Variants in PRKAR1B observed in about 807,000 individuals in gnomAD.
PRKAR1B encodes cAMP-dependent protein kinase type I-beta regulatory subunit.
A neutral mutation model predicts 46.5 loss-of-function variants in PRKAR1B; 22 were observed. That is an observed-to-expected ratio of 0.47 (90% CI 0.34 to 0.68). The LOEUF (loss-of-function observed/expected upper bound fraction) is 0.68, where lower values mean the gene tolerates loss of function less well. Among genes scored for constraint, PRKAR1B ranks in the 30% least tolerant of loss-of-function variants. The probability of loss-of-function intolerance (pLI) is 0.01; values close to 1 mark genes in which losing one functional copy is unlikely to be tolerated. For synonymous variants in PRKAR1B, 259 were observed against 217.7 expected, an observed-to-expected ratio of 1.19 and a Z score of -1.67; for missense variants, 445 against 535.6, an observed-to-expected ratio of 0.83 and a Z score of 1.67.
In PRKAR1B at chr7:718,549, G is replaced by C. The variant is rs187135298; in HGVS notation, c.-22-7022C>G. ...TTTTTGTATTTTTAGTAGAGACGGG[G>C]TTTGACCATGTTGGCCAGGCTGGTC... On this transcript the variant is annotated intron_variant, in intron 1 of 10. Coordinates refer to ENST00000537384, the MANE Select transcript of PRKAR1B (RefSeq NM_001164760.2). Among the ~76,000 whole-genome samples, 973 of 151,906 alleles carry C rather than the reference G, an allele frequency of 6.4e-3. 13 individuals carry two copies. Among genetic ancestry groups the C allele is most frequent in the African/African-American group, 0.023 (933 of 41,426 alleles).
chr7:587,458 G>A (rs141126914), intron 7 of PRKAR1B, among the ~76,000 whole-genome samples: 2,688 of 152,336 alleles, frequency 0.018, 31 homozygotes, highest in Middle Eastern at 0.054. Context: ...CCACTGCCGT[G>A]GTGAAGTGGG....
chr7:617,936 C>T (rs1373526558), intron 4 of PRKAR1B, among the ~76,000 whole-genome samples: 1 of 152,186 alleles, frequency 6.6e-6, no homozygotes, highest in Non-Finnish European at 1.5e-5. Flanking sequence ...TCTCTTAAAA[C>T]ACAGACTCTT....
chr7:588,712 TG>T (rs1780776062), intron 7 of PRKAR1B, among the ~76,000 whole-genome samples: 1 of 127,584 alleles, frequency 7.8e-6, no homozygotes, highest in Admixed American at 7.4e-5. Flanking sequence ...GTGATGGTGA[TG>T]GTGGTGATGG....
intron 6 of PRKAR1B, among the ~76,000 whole-genome samples, chr7:604,668 G>T (rs539383671): frequency 1.3e-5 from 2 of 152,206 alleles, no homozygotes; most frequent in Non-Finnish European, 2.9e-5. Context: ...AACACAGCGC[G>T]ATGGGGGACA....
intron 4 of PRKAR1B, among the ~76,000 whole-genome samples, chr7:635,926 C>A (rs886406894): frequency 7.2e-5 from 11 of 151,882 alleles, no homozygotes; most frequent in Admixed American, 7.2e-4. Context: ...TGTAAAAGTA[C>A]CAGCACCGCG....
chr7:629,260 G>A (rs1213060116), intron 4 of PRKAR1B, among the ~76,000 whole-genome samples: 2 of 152,276 alleles, frequency 1.3e-5, no homozygotes, highest in African/African-American at 4.8e-5. Flanking sequence ...GGAAAATGCT[G>A]CAGGAGCGGG....
chr7:712,200 A>C lies in PRKAR1B; in HGVS notation c.-22-673T>G, dbSNP rs1583453495. On this transcript the variant is annotated intron_variant, in intron 1 of 10. Coordinates refer to ENST00000537384, the MANE Select transcript of PRKAR1B (RefSeq NM_001164760.2). The stretch of plus-strand genomic sequence containing the variant: ...CCCCCGGAGTGCCCAGACCGCCGGG[A>C]AGGCGCCCACCCAGAGACCCCGCGC... Among the ~76,000 whole-genome samples the C allele has an allele frequency of 5.5e-5, 8 of 146,156 alleles. No individual in the cohort carries two copies. The South Asian group carries it at 1.8e-3, about 33-fold the overall frequency.
intron 7 of PRKAR1B, 80 bp downstream of exon 7, chr7:596,066 C>T: frequency 1.3e-6 from 2 of 1,533,578 alleles, no homozygotes; most frequent in East Asian, 2.3e-5. Flanking sequence ...TGCATCCCCA[C>T]CTTGAATAGA....
intron 2 of PRKAR1B, among the ~76,000 whole-genome samples, chr7:683,449 A>G (rs756914792): frequency 1.3e-5 from 2 of 152,142 alleles, no homozygotes; most frequent in African/African-American, 2.4e-5. Context: ...AAGGTAGAGG[A>G]TGCAGGAGAG....
chr7:601,735 A>G (rs1011988925), intron 6 of PRKAR1B, among the ~76,000 whole-genome samples: 13 of 152,212 alleles, frequency 8.5e-5, no homozygotes, highest in Non-Finnish European at 1.5e-4. Context: ...GGACAGCCCC[A>G]TAAGTCACAG....
At chr7:673,132 G>C (rs1231004304) in intron 4 of PRKAR1B, among the ~76,000 whole-genome samples, 1 of 145,182 alleles carries the variant, frequency 6.9e-6, no homozygotes, top group African/African-American at 2.5e-5. Flanking sequence ...TGTGGACCAG[G>C]GACCTCCCGC....
Position 644,987 on chromosome 7 carries a change from C to T in PRKAR1B, c.440+32242G>A, listed in dbSNP as rs1030134740. 6.6e-6 allele frequency among the ~76,000 whole-genome samples: 1 copy of T among 152,218 alleles called. No individual in the cohort carries two copies. The highest frequency in any genetic ancestry group is 2.1e-4 in the South Asian group (1 of 4,832). On this transcript the variant is annotated intron_variant, in intron 4 of 10. Transcript: ENST00000537384. This position sits in a 1 kb window ranked among gnomAD's most constrained non-coding sequence, Gnocchi z 4.9. ...CTCCGCAATGAGCCGTCTCTTCAGC[C>T]TCTATAAATAAGGCGCAGTGTGGAC...
chr7:613,081 G>A (rs776353575), intron 4 of PRKAR1B, among the ~76,000 whole-genome samples: 2 of 152,068 alleles, frequency 1.3e-5, no homozygotes, highest in African/African-American at 2.4e-5. Context: ...TGTTCACAGT[G>A]TTGCCAGTGA....
intron 4 of PRKAR1B, among the ~76,000 whole-genome samples, chr7:655,265 C>G (rs1472540931): frequency 6.6e-6 from 1 of 152,196 alleles, no homozygotes; most frequent in African/African-American, 2.4e-5. Context: ...GATCTGGCGC[C>G]TCTTCCTCTG....
chr7:551,754 C>A (rs546484338), intron 9 of PRKAR1B, among the ~76,000 whole-genome samples: 3 of 147,060 alleles, frequency 2.0e-5, no homozygotes, highest in African/African-American at 7.6e-5. Flanking sequence ...CCCAAACCCC[C>A]ACCTCCCGCC....
intron 4 of PRKAR1B, among the ~76,000 whole-genome samples, chr7:640,354 A>G (rs934737542): frequency 1.3e-5 from 2 of 152,172 alleles, no homozygotes; most frequent in East Asian, 1.9e-4. Flanking sequence ...CAAGAACTCA[A>G]TCTTAAAATA....
At chr7:553,239 A>G (rs953662983) in intron 9 of PRKAR1B, among the ~76,000 whole-genome samples, 1 of 152,232 alleles carries the variant, frequency 6.6e-6, no homozygotes, top group African/African-American at 2.4e-5. Context: ...TCCTCTGAAC[A>G]GCCGGGGAAA....
intron 2 of PRKAR1B, among the ~76,000 whole-genome samples, chr7:689,594 T>G (rs1779296101): frequency 6.6e-6 from 1 of 152,088 alleles, no homozygotes; most frequent in Non-Finnish European, 1.5e-5. Flanking sequence ...TATCTAGACT[T>G]TGACTACAAC....
chr7:613,892 C>T (rs949929696), intron 4 of PRKAR1B, among the ~76,000 whole-genome samples: 13 of 152,268 alleles, frequency 8.5e-5, no homozygotes, highest in African/African-American at 2.9e-4. Flanking sequence ...CTCCCGGCCC[C>T]AGGACAGGGA....
Sources: allele counts gnomAD v4.1 joint callset (sites outside exome capture counted in the v4.1 genomes callset), GRCh38; gene constraint gnomAD v4.1.1; non-coding constraint Gnocchi (gnomAD v3.1); transcripts MANE v1.5; gene names NCBI Gene and HGNC (gene_info 2026-07-23, HGNC 2026-07-21).